The following PLG variants were observed in gnomAD, a reference collection of about 807,000 sequenced individuals.
PLG encodes the protein plasminogen.
Under a neutral mutation model 104.4 loss-of-function variants are expected in PLG, and 41 were observed. That is an observed-to-expected ratio of 0.39 (90% confidence interval 0.31 to 0.51). The LOEUF (loss-of-function observed/expected upper bound fraction) is 0.51, where lower values mean the gene tolerates loss of function less well. PLG is among the 20% of genes least tolerant of loss of function. The pLI is 0.76. For missense variants in PLG, 891 were observed against 1,003.6 expected (o/e 0.89, Z 1.52); for synonymous variants, 337 against 357.1 (o/e 0.94, Z 0.63).
rs369375178 is a variant in PLG at position 160,752,087 on chromosome 6, G to T, written c.2126-28G>T. On this transcript the variant is annotated intron_variant, in intron 17 of 18. Coordinates refer to ENST00000308192, the MANE Select transcript of PLG (RefSeq NM_000301.5). This position sits in a 1 kb window ranked among gnomAD's most constrained non-coding sequence, Gnocchi z 4.7. ...TCCTGAATGTGTTTTGGGTGCAGTTGCCATTTCTTTCATCTTTTTAAACAC... is the reference window on the plus strand; with the variant it reads ...TCCTGAATGTGTTTTGGGTGCAGTTTCCATTTCTTTCATCTTTTTAAACAC... 8.0e-5 allele frequency: 129 copies of T among 1,608,166 alleles called. No individual in the cohort carries two copies. Among genetic ancestry groups the T allele is most frequent in the Non-Finnish European group, 1.1e-4 (127 of 1,175,330 alleles).
In PLG at chr6:160,741,176, A is replaced by G; in HGVS notation, c.2019-135A>G. 7 of 708,120 alleles carry G rather than the reference A, an allele frequency of 9.9e-6. No homozygotes were observed. The highest frequency in any genetic ancestry group is 2.9e-5 in the South Asian group (2 of 67,900). The allele number at this position is 708,120 out of a possible 1,614,324, so 43.9% of individuals were successfully genotyped here. A position where few individuals can be genotyped will look rare whatever the true frequency, so the allele number is the denominator to read the frequency against. On this transcript the variant is annotated intron_variant, in intron 16 of 18. Transcript: ENST00000308192. The surrounding 1 kb of genome is among the most constrained non-coding windows in gnomAD (Gnocchi z 4.7). Reference sequence around the variant, plus strand: ...ATGTGAGGGTGAAACTCTGTGTTCTACGTTGCTCTGTGTCAGTGAAGCAAG... The same window carrying G: ...ATGTGAGGGTGAAACTCTGTGTTCTGCGTTGCTCTGTGTCAGTGAAGCAAG...
At chr6:160,743,946 T>C (rs1453080745) in intron 17 of PLG, among the ~76,000 whole-genome samples, 1 of 148,562 alleles carries the variant, frequency 6.7e-6, no homozygotes. Flanking sequence ...GTTATATTTA[T>C]GTGATGAATC....
rs1778000936 is a variant in PLG, at chr6:160,731,636, T to G, written c.1439-109T>G. The G allele has an allele frequency of 9.6e-7, 1 of 1,039,240 alleles. No individual in the cohort carries two copies. The highest frequency in any genetic ancestry group is 1.5e-6 in the Non-Finnish European group (1 of 661,634). 64.4% of individuals were successfully genotyped at this position (1,039,240 alleles called of 1,614,324 possible). A position where few individuals can be genotyped will look rare whatever the true frequency, so the allele number is the denominator to read the frequency against. ...CTTCAGCATTGCAGTTTCTGAGGAATGTGGCCCCTGATTCTGTCATCCTAG... is the reference window on the plus strand; with the variant it reads ...CTTCAGCATTGCAGTTTCTGAGGAAGGTGGCCCCTGATTCTGTCATCCTAG... On this transcript the variant is annotated intron_variant, in intron 11 of 18. Transcript: ENST00000308192. The surrounding 1 kb of genome is among the most constrained non-coding windows in gnomAD (Gnocchi z 5.1).
Position 160,722,396 on chromosome 6 carries a change from T to C in PLG, c.1097-12T>C, listed in dbSNP as rs1168716423. 9 of 1,605,402 alleles carry C rather than the reference T, an allele frequency of 5.6e-6. No homozygotes were observed. Among genetic ancestry groups the C allele is most frequent in the Admixed American group, 1.7e-5 (1 of 59,980 alleles). On this transcript the variant is annotated splice_polypyrimidine_tract_variant and intron_variant, in intron 9 of 18. Coordinates refer to ENST00000308192, the MANE Select transcript of PLG (RefSeq NM_000301.5). ...TAATTGTTAAGCTTGATTTCTTTTA[T>C]TTTAATTTCAGCACCACCTGAGCTA...
intron 17 of PLG, among the ~76,000 whole-genome samples, chr6:160,748,417 G>GAAAGAAAGAAAGAAAGAAA (rs1554252983): frequency 1.6e-5 from 1 of 62,360 alleles, no homozygotes; most frequent in Non-Finnish European, 3.0e-5. Context: ...AGAAAGAAAG[G>GAAAGAAAGAAAGAAAGAAA]GAAAGAAAGA....
rs182276708 is a variant in PLG, at chr6:160,716,883, A to G, written c.787+120A>G. 3 of 758,122 alleles carry G rather than the reference A, an allele frequency of 4.0e-6. No homozygotes were observed. The East Asian group carries it at 7.4e-5, about 19-fold the overall frequency. The allele number at this position is 758,122 out of a possible 1,614,324, so 47.0% of individuals were successfully genotyped here. A position where few individuals can be genotyped will look rare whatever the true frequency, so the allele number is the denominator to read the frequency against. ...AAAAGTGACCTACAAGTCCTATGGG[A>G]TGTTATTGGTCTTTATTTTATTGCT... On this transcript the variant is annotated intron_variant, in intron 7 of 18. Coordinates refer to ENST00000308192, the MANE Select transcript of PLG (RefSeq NM_000301.5).
In PLG at chr6:160,725,672, A is replaced by G. The variant is rs1897108; in HGVS notation, c.1256+3105A>G. On this transcript the variant is annotated intron_variant, in intron 10 of 18. Coordinates refer to ENST00000308192, the MANE Select transcript of PLG (RefSeq NM_000301.5). This position sits in a 1 kb window ranked among gnomAD's most constrained non-coding sequence, Gnocchi z 6.3. The stretch of plus-strand genomic sequence containing the variant: ...ACATTGCACAGAAAAGGCAGAGATT[A>G]TTAAGCTGAATAAAAATCAAAGCCC... Among the ~76,000 whole-genome samples, 48,320 of 151,958 alleles carry G rather than the reference A, an allele frequency of 0.32. 8,427 individuals carry two copies. The highest frequency in any genetic ancestry group is 0.49 in the Middle Eastern group (145 of 294).
At chr6:160,750,701 C>T (rs1012251959) in intron 17 of PLG, among the ~76,000 whole-genome samples, 28 of 152,250 alleles carry the variant, frequency 1.8e-4, no homozygotes, top group African/African-American at 6.0e-4. Context: ...TTTCTGAACC[C>T]GAGACAATGA....
At chr6:160,711,845 G>T in intron 4 of PLG, 3 of 1,414,764 alleles carry the variant, frequency 2.1e-6, no homozygotes, top group Admixed American at 3.2e-5. Context: ...GAGCAAAAGA[G>T]TAAATAAGAT....
chr6:160,713,964 G>A (rs188045798), intron 5 of PLG, among the ~76,000 whole-genome samples: 3 of 152,332 alleles, frequency 2.0e-5, no homozygotes, highest in Admixed American at 2.0e-4. Flanking sequence ...TGAGATTTGT[G>A]TGACAGTGTG....
rs1445632501 is a variant in PLG at position 160,748,362 on chromosome 6, A to AAGAAAGAAAGAAAGAGAGAGAGAGAG, written c.2126-3738_2126-3737insGAGAGAGAGAGAGAAAGAAAGAAAGA. 1.1e-3 allele frequency among the ~76,000 whole-genome samples: 39 copies of AAGAAAGAAAGAAAGAGAGAGAGAGAG among 37,102 alleles called. 4 individuals carry two copies. The highest frequency in any genetic ancestry group is 0.011 in the East Asian group (1 of 92). 24.3% of individuals were successfully genotyped at this position (37,102 alleles called of 152,430 possible). A position where few individuals can be genotyped will look rare whatever the true frequency, so the allele number is the denominator to read the frequency against. ...GGAAGAAAAGAAAGAGAAAGAAAGA[A>AAGAAAGAAAGAAAGAGAGAGAGAGAG]AGAAAGAAAGAAAGAAAGAAAGAAA... On this transcript the variant is annotated intron_variant, in intron 17 of 18. Transcript: ENST00000308192.
At chr6:160,718,530 T>C in intron 8 of PLG, 74 bp downstream of exon 8, 1 of 1,399,564 alleles carries the variant, frequency 7.1e-7, no homozygotes, top group South Asian at 1.2e-5. Flanking sequence ...TTTTAGTTAC[T>C]GTAGGAACGC....
intron 6 of PLG, 78 bp downstream of exon 6, chr6:160,714,992 AT>A: frequency 7.0e-7 from 1 of 1,431,356 alleles, no homozygotes; most frequent in Non-Finnish European, 9.8e-7. Flanking sequence ...TCATTTAGAT[AT>A]TTTAGCATTC....
Position 160,738,748 on chromosome 6 carries a change from C to A in PLG, c.1877+136C>A, listed in dbSNP as rs1778134201. The A allele has an allele frequency of 2.7e-6, 2 of 742,838 alleles. No homozygotes were observed. Among genetic ancestry groups the A allele is most frequent in the Non-Finnish European group, 4.9e-6 (2 of 411,882 alleles). The allele number at this position is 742,838 out of a possible 1,614,324, so 46.0% of individuals were successfully genotyped here. A position where few individuals can be genotyped will look rare whatever the true frequency, so the allele number is the denominator to read the frequency against. On this transcript the variant is annotated intron_variant, in intron 15 of 18. Transcript: ENST00000308192. This position sits in a 1 kb window ranked among gnomAD's most constrained non-coding sequence, Gnocchi z 6.8. ...TGTGACACTAGGGACCAGGCCAGGG[C>A]AATTGGATAAGAGAGAAGGGAAGGG...
intron 17 of PLG, among the ~76,000 whole-genome samples, chr6:160,746,536 T>A (rs1778280655): frequency 6.6e-6 from 1 of 152,246 alleles, no homozygotes; most frequent in South Asian, 2.1e-4. Context: ...TTCTATATCA[T>A]TTTATTGTGA....
chr6:160,745,687 A>G (rs1305514880), intron 17 of PLG, among the ~76,000 whole-genome samples: 1 of 152,090 alleles, frequency 6.6e-6, no homozygotes, highest in Admixed American at 6.5e-5. Flanking sequence ...TGATGCCCTC[A>G]TTGTGTTGTT....
chr6:160,710,042 A>C (rs1319902557), intron 3 of PLG, among the ~76,000 whole-genome samples: 1 of 152,252 alleles, frequency 6.6e-6, no homozygotes, highest in Non-Finnish European at 1.5e-5. Context: ...ACTATGCTCC[A>C]GTGCAACATC....
At chr6:160,709,262 C>A (rs976595185) in intron 3 of PLG, among the ~76,000 whole-genome samples, 1 of 152,150 alleles carries the variant, frequency 6.6e-6, no homozygotes, top group Non-Finnish European at 1.5e-5. Context: ...ACTTACCTGC[C>A]AGGGTTTTGC....
intron 4 of PLG, among the ~76,000 whole-genome samples, chr6:160,712,490 T>C (rs1777662087): frequency 6.6e-6 from 1 of 152,224 alleles, no homozygotes; most frequent in Non-Finnish European, 1.5e-5. Context: ...TGTTTTGTTT[T>C]ACGTTGCCAC....
Sources: allele counts gnomAD v4.1 joint callset (sites outside exome capture counted in the v4.1 genomes callset), GRCh38; gene constraint gnomAD v4.1.1; non-coding constraint Gnocchi (gnomAD v3.1); transcripts MANE v1.5; gene names NCBI Gene and HGNC (gene_info 2026-07-23, HGNC 2026-07-21).